Variants in TRPC5 observed in about 807,000 individuals in gnomAD.
The protein encoded by TRPC5 is transient receptor potential cation channel subfamily C member 5.
In TRPC5, 9 loss-of-function variants were observed where a neutral mutation model predicts 56.5. That is an observed-to-expected ratio of 0.16 (90% CI 0.10 to 0.28). TRPC5 has a LOEUF of 0.28. TRPC5 is among the 10% of genes least tolerant of loss of function. The probability of loss-of-function intolerance (pLI) is 1.00; values close to 1 mark genes in which losing one functional copy is unlikely to be tolerated. For missense variants in TRPC5, 469 were observed against 748.9 expected (o/e 0.63, Z 4.36); for synonymous variants, 282 against 278.5 (o/e 1.01, Z -0.13).
intron 1 of TRPC5, among the ~76,000 whole-genome samples, chrX:111,963,696 T>A (rs1460152931): frequency 8.9e-6 from 1 of 111,986 alleles, no homozygotes; most frequent in African/African-American, 3.3e-5. Flanking sequence ...CCACCGCTGC[T>A]GATACCCAGG....
intron 3 of TRPC5, among the ~76,000 whole-genome samples, chrX:111,872,125 A>C (rs1293728871): frequency 8.9e-6 from 1 of 112,461 alleles, no homozygotes; most frequent in Non-Finnish European, 1.9e-5. Context: ...CAGCCTGCAG[A>C]ACTGTGAGCT....
intron 1 of TRPC5, among the ~76,000 whole-genome samples, chrX:111,967,237 A>G (rs1454749011): frequency 9.0e-6 from 1 of 111,727 alleles, no homozygotes; most frequent in Non-Finnish European, 1.9e-5. Flanking sequence ...CAATTGCTAC[A>G]AAGAGAATAA....
chrX:111,911,169 A>G (rs141754067), intron 3 of TRPC5, among the ~76,000 whole-genome samples: 410 of 56,027 alleles, frequency 7.3e-3, no homozygotes, highest in African/African-American at 0.027. Flanking sequence ...ATAAACACAC[A>G]ATGACGTTTG....
intron 3 of TRPC5, among the ~76,000 whole-genome samples, chrX:111,859,496 G>T (rs1239408562): frequency 1.8e-5 from 2 of 112,215 alleles, no homozygotes; most frequent in Non-Finnish European, 3.8e-5. Flanking sequence ...GGCTTTGATG[G>T]AACTCTGTTA....
At chrX:111,870,665 T>TAAA (rs1923724988) in intron 3 of TRPC5, among the ~76,000 whole-genome samples, 1 of 111,415 alleles carries the variant, frequency 9.0e-6, no homozygotes, top group Admixed American at 9.5e-5. Context: ...AATTTATTTT[T>TAAA]AAAAACTTTG....
At position 111,899,951 on chromosome X, in the gene TRPC5, C is replaced by A. The variant is rs184950513; in HGVS notation, c.900+12340G>T. ...CAAAATCGTGCCTTCTGGTCATTAT[C>A]GTTGTGACCCTTATCATCAGGACAA... On this transcript the variant is annotated intron_variant, in intron 3 of 10. Coordinates refer to ENST00000262839, the MANE Select transcript of TRPC5 (RefSeq NM_012471.3). 5.0e-3 allele frequency among the ~76,000 whole-genome samples: 556 copies of A among 110,695 alleles called. 3 individuals carry two copies. The highest frequency in any genetic ancestry group is 0.018 in the African/African-American group (539 of 30,479).
intron 1 of TRPC5, among the ~76,000 whole-genome samples, chrX:112,078,749 C>T (rs747184461): frequency 3.3e-4 from 37 of 111,995 alleles, no homozygotes; most frequent in African/African-American, 1.1e-3. Flanking sequence ...CATCTGTGCT[C>T]ACTCAGTTGA....
intron 5 of TRPC5, among the ~76,000 whole-genome samples, chrX:111,848,793 A>G (rs767072461): frequency 8.9e-6 from 1 of 112,160 alleles, no homozygotes; most frequent in East Asian, 2.8e-4. Flanking sequence ...ACTCTTGGCC[A>G]AATCTTATAT....
intron 1 of TRPC5, among the ~76,000 whole-genome samples, chrX:112,019,460 G>T (rs1929211950): frequency 9.1e-6 from 1 of 109,300 alleles, no homozygotes; most frequent in African/African-American, 3.3e-5. Context: ...TTTTGGGATG[G>T]AATCTCGCTC....
At chrX:111,889,496 A>G (rs1924700119) in intron 3 of TRPC5, among the ~76,000 whole-genome samples, 1 of 112,198 alleles carries the variant, frequency 8.9e-6, no homozygotes, top group African/African-American at 3.2e-5. Flanking sequence ...TTTCACTTGA[A>G]CAGCATGCTG....
chrX:111,931,870 G>T (rs770941522), intron 2 of TRPC5, among the ~76,000 whole-genome samples: 1 of 111,624 alleles, frequency 9.0e-6, no homozygotes, highest in African/African-American at 3.3e-5. Context: ...TGTGGGTATC[G>T]AATAAGATAA....
chrX:111,913,959 CA>C (rs55948877), intron 2 of TRPC5, among the ~76,000 whole-genome samples: 154 of 73,405 alleles, frequency 2.1e-3, no homozygotes, highest in Middle Eastern at 0.02. Flanking sequence ...GACTCAGTCT[CA>C]AAAAAAAAAA....
chrX:111,779,254 T>C (rs1479795053), intron 9 of TRPC5, among the ~76,000 whole-genome samples, 180 bp from the exon 10 acceptor site: 2 of 112,051 alleles, frequency 1.8e-5, no homozygotes, highest in African/African-American at 6.5e-5. Context: ...ATTGTGTCTC[T>C]GAATTTAGTG....
chrX:111,853,860 G>A lies in TRPC5; in HGVS notation c.1147C>T (p.Leu383=). 1 of 1,212,058 alleles carries A rather than the reference G, an allele frequency of 8.3e-7. No homozygotes were observed. The highest frequency in any genetic ancestry group is 1.8e-5 in the South Asian group (1 of 57,013). ...GTCCTGACAATGTGCTGAGAAGCCA[G>A]GAGAAGCATAAAGAGGAAGGTCAAA... ...SYLTFLFMLL[L]ASQHIVRTDL... The change falls in exon 4 of 11, where the codon CTG becomes TTG. Residue 383 remains leucine (L), a synonymous_variant. Coordinates refer to ENST00000262839, the MANE Select transcript of TRPC5 (RefSeq NM_012471.3).
Position 111,821,762 on chromosome X carries a change from C to T in TRPC5, c.1896+13159G>A, listed in dbSNP as rs184341212. On this transcript the variant is annotated intron_variant, in intron 7 of 10. Coordinates refer to ENST00000262839, the MANE Select transcript of TRPC5 (RefSeq NM_012471.3). ...ATAAGGCAGAAGCCAAGAAGAACCACACCCTCAGACAATGACCTTTGGGCC... is the reference window on the plus strand; with the variant it reads ...ATAAGGCAGAAGCCAAGAAGAACCATACCCTCAGACAATGACCTTTGGGCC... Among the ~76,000 whole-genome samples the T allele has an allele frequency of 4.4e-3, 494 of 112,689 alleles. 1 individual carries two copies. Among genetic ancestry groups the T allele is most frequent in the African/African-American group, 0.015 (461 of 31,033 alleles).
chrX:112,000,280 A>G (rs969728869), intron 1 of TRPC5, among the ~76,000 whole-genome samples: 4 of 111,980 alleles, frequency 3.6e-5, no homozygotes, highest in African/African-American at 6.5e-5. Flanking sequence ...GTAGCAAGAT[A>G]AGCAAATCAG....
At chrX:112,011,464 T>C (rs1294700352) in intron 1 of TRPC5, among the ~76,000 whole-genome samples, 5 of 111,965 alleles carry the variant, frequency 4.5e-5, no homozygotes, top group African/African-American at 1.6e-4. Flanking sequence ...ACTGGCCCTA[T>C]GAAACAGCCT....
chrX:111,851,935 G>T (rs991359865), intron 5 of TRPC5, among the ~76,000 whole-genome samples: 2 of 111,952 alleles, frequency 1.8e-5, no homozygotes, highest in African/African-American at 6.5e-5. Flanking sequence ...AGGATTAAGA[G>T]AAGCTTTTGG....
intron 1 of TRPC5, among the ~76,000 whole-genome samples, chrX:111,995,598 C>T (rs1046489416): frequency 2.3e-4 from 25 of 110,941 alleles, no homozygotes; most frequent in African/African-American, 8.2e-4. Flanking sequence ...TGGTCCTGGA[C>T]TTTTTTTGGT....
Sources: gnomAD v4.1 joint callset for allele counts (sites outside exome capture counted in the v4.1 genomes callset) on GRCh38, gnomAD v4.1.1 for gene constraint, MANE v1.5 for transcripts, NCBI Gene and HGNC (gene_info 2026-07-23, HGNC 2026-07-21) for gene names.